Variants in JADE3 observed in about 807,000 individuals in gnomAD.
JADE3 encodes the protein protein Jade-3.
Under a neutral mutation model 50.1 loss-of-function variants are expected in JADE3, and 2 were observed. That is an observed-to-expected ratio of 0.04 (90% CI 0.02 to 0.13). The LOEUF (loss-of-function observed/expected upper bound fraction) is 0.13, where lower values mean the gene tolerates loss of function less well. Ranked by LOEUF, JADE3 falls within the 10% of genes least tolerant of loss-of-function variation. The probability of loss-of-function intolerance (pLI) is 1.00; values close to 1 mark genes in which losing one functional copy is unlikely to be tolerated. For missense variants in JADE3, 475 were observed against 634.4 expected (o/e 0.75, Z 2.70); for synonymous variants, 218 against 232.9 (o/e 0.94, Z 0.58).
intron 4 of JADE3, among the ~76,000 whole-genome samples, chrX:47,018,575 C>T (rs1928726630): frequency 8.9e-6 from 1 of 111,803 alleles, no homozygotes; most frequent in African/African-American, 3.2e-5. Context: ...ACCTCGTGAT[C>T]CACCCGCCTC....
In JADE3 at chrX:47,059,146, A is replaced by C; in HGVS notation, c.*69A>C. On this transcript the variant is annotated 3_prime_UTR_variant, in exon 11 of 11. Coordinates refer to ENST00000614628, the MANE Select transcript of JADE3 (RefSeq NM_014735.5). ...ATATTGGGGAAAACCCATACACCAAAAGGATTTTAGCATATGTTAAGAGGA... is the reference window on the plus strand; with the variant it reads ...ATATTGGGGAAAACCCATACACCAACAGGATTTTAGCATATGTTAAGAGGA... 2.6e-6 allele frequency: 2 copies of C among 783,919 alleles called. No individual in the cohort carries two copies. Among genetic ancestry groups the C allele is most frequent in the Non-Finnish European group, 3.6e-6 (2 of 554,729 alleles). 64.6% of individuals were successfully genotyped at this position (783,919 alleles called of 1,213,427 possible). A position where few individuals can be genotyped will look rare whatever the true frequency, so the allele number is the denominator to read the frequency against.
intron 4 of JADE3, among the ~76,000 whole-genome samples, chrX:47,007,455 G>C (rs1361796121): frequency 9.0e-6 from 1 of 111,675 alleles, no homozygotes; most frequent in African/African-American, 3.3e-5. Context: ...TTGGAGCACT[G>C]TTGTTTGGTG....
chrX:46,989,690 C>T (rs1446184297), intron 3 of JADE3, among the ~76,000 whole-genome samples: 2 of 111,491 alleles, frequency 1.8e-5, no homozygotes, highest in African/African-American at 6.5e-5. Context: ...TTTCTTTTGG[C>T]TTATCCTCTT....
intron 4 of JADE3, among the ~76,000 whole-genome samples, chrX:47,007,451 C>G (rs1159722722): frequency 2.7e-5 from 3 of 111,714 alleles, no homozygotes; most frequent in Non-Finnish European, 5.6e-5. Context: ...CGTTTTGGAG[C>G]ACTGTTGTTT....
chrX:47,022,260 A>G (rs1373092453), intron 4 of JADE3, among the ~76,000 whole-genome samples: 1 of 112,086 alleles, frequency 8.9e-6, no homozygotes, highest in African/African-American at 3.2e-5. Flanking sequence ...TGTCTGTCCT[A>G]CCCTTTTTAG....
intron 4 of JADE3, among the ~76,000 whole-genome samples, chrX:47,016,915 A>G (rs1443581708): frequency 9.0e-6 from 1 of 111,624 alleles, no homozygotes. Context: ...TTTATTAACT[A>G]ATTTATAAGG....
chrX:46,996,747 C>T (rs1928137754), intron 3 of JADE3, among the ~76,000 whole-genome samples: 1 of 112,079 alleles, frequency 8.9e-6, no homozygotes, highest in African/African-American at 3.2e-5. Context: ...GGACTTAGAG[C>T]CCACTTGGAT....
intron 1 of JADE3, among the ~76,000 whole-genome samples, chrX:46,933,109 C>T (rs782159756): frequency 1.8e-5 from 2 of 111,954 alleles, no homozygotes; most frequent in African/African-American, 3.2e-5. Flanking sequence ...CCTTTTCATA[C>T]TACTGAACAG....
chrX:47,036,230 G>A (rs1556367918), intron 7 of JADE3, among the ~76,000 whole-genome samples: 1 of 110,951 alleles, frequency 9.0e-6, no homozygotes, highest in Non-Finnish European at 1.9e-5. Context: ...TGTAGATTCT[G>A]GATATTAGCC....
intron 6 of JADE3, among the ~76,000 whole-genome samples, chrX:47,031,190 C>A (rs1325280617): frequency 9.0e-6 from 1 of 111,669 alleles, no homozygotes; most frequent in Non-Finnish European, 1.9e-5. Context: ...AAAGGATATT[C>A]CAAGAGCCAG....
intron 7 of JADE3, among the ~76,000 whole-genome samples, chrX:47,035,856 C>T (rs1456740676): frequency 1.8e-5 from 2 of 111,618 alleles, no homozygotes; most frequent in Non-Finnish European, 3.8e-5. Flanking sequence ...AAAAACATCC[C>T]TTTCTGCTGG....
Position 46,988,903 on chromosome X carries a change from G to A in JADE3, c.126+3111G>A, listed in dbSNP as rs989727317. Among the ~76,000 whole-genome samples, 8 of 112,283 alleles carry A rather than the reference G, an allele frequency of 7.1e-5. No individual in the cohort carries two copies. In the South Asian group the frequency reaches 1.5e-3, roughly 21 times the overall value. On this transcript the variant is annotated intron_variant, in intron 3 of 10. Transcript: ENST00000614628. ...CGCTCAGGCTAGAGTGCAGTGGTGC[G>A]ATCTCAGCTCACTGCAACCTCCGCC...
intron 4 of JADE3, among the ~76,000 whole-genome samples, chrX:47,013,500 A>G (rs140380646): frequency 0.011 from 1,269 of 110,814 alleles, 13 homozygotes; most frequent in Middle Eastern, 0.047. Context: ...TCATTTCTCA[A>G]CGTAAGCTCC....
chrX:47,012,966 G>T (rs1928592449), intron 4 of JADE3, among the ~76,000 whole-genome samples: 1 of 111,391 alleles, frequency 9.0e-6, no homozygotes, highest in African/African-American at 3.3e-5. Context: ...ATGAAAGAAA[G>T]CATAGTTATT....
intron 1 of JADE3, among the ~76,000 whole-genome samples, chrX:46,942,658 T>C (rs1192971561): frequency 8.9e-6 from 1 of 112,206 alleles, no homozygotes; most frequent in African/African-American, 3.2e-5. Flanking sequence ...TCTTTTTGAC[T>C]AGGATTGCTT....
intron 8 of JADE3, among the ~76,000 whole-genome samples, chrX:47,045,402 A>G (rs1251961278): frequency 8.9e-6 from 1 of 112,802 alleles, no homozygotes; most frequent in Non-Finnish European, 1.9e-5. Flanking sequence ...AACCAGAAAT[A>G]TAAAGCAAAT....
intron 10 of JADE3, among the ~76,000 whole-genome samples, chrX:47,057,561 T>C (rs1929654264): frequency 2.7e-5 from 3 of 111,128 alleles, no homozygotes; most frequent in Admixed American, 9.6e-5. Flanking sequence ...ACCACCATAA[T>C]GTTCATTTGT....
chrX:46,997,240 C>T (rs782077564), intron 3 of JADE3, among the ~76,000 whole-genome samples: 3 of 111,587 alleles, frequency 2.7e-5, no homozygotes, highest in East Asian at 2.8e-4. Flanking sequence ...CCGTGCCTCA[C>T]GCCTATAATC....
intron 8 of JADE3, among the ~76,000 whole-genome samples, chrX:47,044,671 TGAATA>T (rs781916014): frequency 1.4e-4 from 16 of 111,854 alleles, no homozygotes; most frequent in Non-Finnish European, 2.6e-4. Context: ...ACTCCTATCT[TGAATA>T]GAAAGACTAA....
Sources: allele counts gnomAD v4.1 joint callset (sites outside exome capture counted in the v4.1 genomes callset), GRCh38; gene constraint gnomAD v4.1.1; transcripts MANE v1.5; gene names NCBI Gene and HGNC (gene_info 2026-07-23, HGNC 2026-07-21).